CTNNA3: variants seen among roughly 807,000 people sequenced by gnomAD.
The protein encoded by CTNNA3 is catenin alpha-3.
CTNNA3 carries 76 observed loss-of-function variants against 95.7 expected under a neutral mutation model. The ratio of observed to expected loss-of-function variants is 0.79; its 90% CI spans 0.66 to 0.96. The LOEUF (loss-of-function observed/expected upper bound fraction) is 0.96. Ranked by LOEUF, CTNNA3 falls within the 40% of genes least tolerant of loss-of-function variation. The pLI, the probability that CTNNA3 is intolerant of heterozygous loss-of-function variation, is 0.00. For synonymous variants in CTNNA3, 431 were observed against 374.4 expected, an observed-to-expected ratio of 1.15 and a Z score of -1.74; for missense variants, 1,191 against 1,089.8, an observed-to-expected ratio of 1.09 and a Z score of -1.31.
At chr10:66,016,386 G>A (rs986756503) in intron 15 of CTNNA3, among the ~76,000 whole-genome samples, 6 of 110,920 alleles carry the variant, frequency 5.4e-5, no homozygotes, top group African/African-American at 1.4e-4. Context: ...GAAGAAAGAC[G>A]ATTCTTCCCT....
chr10:67,640,665 C>A (rs1268991940), intron 2 of CTNNA3, among the ~76,000 whole-genome samples: 4 of 152,106 alleles, frequency 2.6e-5, no homozygotes, highest in Non-Finnish European at 5.9e-5. Flanking sequence ...AGATATCGAC[C>A]AATGGAACAG....
In CTNNA3 at chr10:66,204,308, C is replaced by T. The variant is rs545519882; in HGVS notation, c.1884+76162G>A. On this transcript the variant is annotated intron_variant, in intron 13 of 17. Coordinates refer to ENST00000433211, the MANE Select transcript of CTNNA3 (RefSeq NM_013266.4). ...CTAAATTTCTCATTCAGTCTCTCCC[C>T]TCTCCCTTACTGTTCAAAAGAATAA... Among the ~76,000 whole-genome samples, 4 of 152,224 alleles carry T rather than the reference C, an allele frequency of 2.6e-5. 1 individual carries two copies. The highest frequency in any genetic ancestry group is 7.2e-5 in the African/African-American group (3 of 41,558).
chr10:66,929,322 G>T (rs1847242148), intron 7 of CTNNA3, among the ~76,000 whole-genome samples: 1 of 152,176 alleles, frequency 6.6e-6, no homozygotes, highest in African/African-American at 2.4e-5. Flanking sequence ...TTCGCGAATG[G>T]GAAAGCAGCT....
At chr10:67,178,145 G>A (rs1439628327) in intron 7 of CTNNA3, among the ~76,000 whole-genome samples, 1 of 152,092 alleles carries the variant, frequency 6.6e-6, no homozygotes, top group Non-Finnish European at 1.5e-5. Context: ...CCCACCCAGT[G>A]ATTACTGCCA....
intron 13 of CTNNA3, among the ~76,000 whole-genome samples, chr10:66,238,062 C>G (rs1345509531): frequency 6.6e-6 from 1 of 151,854 alleles, no homozygotes; most frequent in Non-Finnish European, 1.5e-5. Flanking sequence ...AAGACAAGTC[C>G]ATATTTAAAA....
chr10:67,074,629 C>T (rs1231193187), intron 7 of CTNNA3, among the ~76,000 whole-genome samples: 6 of 152,098 alleles, frequency 3.9e-5, no homozygotes, highest in Admixed American at 2.6e-4. Context: ...GGATTACAGG[C>T]GTGAGCCACC....
chr10:67,556,414 TA>T (rs1283207253), intron 3 of CTNNA3, among the ~76,000 whole-genome samples: 1 of 152,212 alleles, frequency 6.6e-6, no homozygotes, highest in Non-Finnish European at 1.5e-5. Flanking sequence ...GGCTCTTAAT[TA>T]TTGCCTCAAT....
chr10:67,626,388 G>A (rs1249433371), intron 2 of CTNNA3, among the ~76,000 whole-genome samples: 3 of 152,132 alleles, frequency 2.0e-5, no homozygotes, highest in East Asian at 3.9e-4. Flanking sequence ...TACCTCTTTG[G>A]AGATGTCTTG....
intron 13 of CTNNA3, among the ~76,000 whole-genome samples, chr10:66,228,418 CTAAT>C (rs1489520684): frequency 5.9e-5 from 9 of 151,940 alleles, no homozygotes; most frequent in Admixed American, 4.6e-4. Context: ...TTTTTATTAA[CTAAT>C]TGACCATTCA....
At chr10:67,533,933 T>A (rs1840413099) in intron 4 of CTNNA3, among the ~76,000 whole-genome samples, 1 of 151,220 alleles carries the variant, frequency 6.6e-6, no homozygotes, top group South Asian at 2.1e-4. Context: ...GTAAGAAAAG[T>A]CATAAGAAGG....
intron 1 of CTNNA3, among the ~76,000 whole-genome samples, chr10:67,685,757 ATCTC>A (rs1173966693): frequency 6.7e-6 from 1 of 149,662 alleles, no homozygotes; most frequent in Non-Finnish European, 1.5e-5. Context: ...TACTACTTCT[ATCTC>A]TCTCTTTCTC....
chr10:66,811,595 T>C (rs1027981061), intron 7 of CTNNA3, among the ~76,000 whole-genome samples: 1 of 152,174 alleles, frequency 6.6e-6, no homozygotes, highest in African/African-American at 2.4e-5. Flanking sequence ...ATTTAGCGTC[T>C]CTGGCTCCCA....
intron 3 of CTNNA3, among the ~76,000 whole-genome samples, chr10:67,559,293 T>C (rs915166496): frequency 2.0e-5 from 3 of 152,112 alleles, no homozygotes; most frequent in Non-Finnish European, 2.9e-5. Context: ...GAGACAAAAC[T>C]TCCAGAAGAA....
chr10:66,701,630 A>G (rs915801767), intron 9 of CTNNA3, among the ~76,000 whole-genome samples: 2 of 152,180 alleles, frequency 1.3e-5, no homozygotes, highest in Non-Finnish European at 2.9e-5. Flanking sequence ...TTACTATTTC[A>G]ACTAATTTCA....
intron 7 of CTNNA3, among the ~76,000 whole-genome samples, chr10:66,973,750 A>G (rs934406771): frequency 1.4e-4 from 21 of 151,912 alleles, no homozygotes; most frequent in African/African-American, 4.6e-4. Flanking sequence ...CAGCCTTCCC[A>G]GTAGCTGGGA....
intron 5 of CTNNA3, among the ~76,000 whole-genome samples, chr10:67,297,748 G>A (rs1589137912): frequency 6.6e-6 from 1 of 152,282 alleles, no homozygotes; most frequent in East Asian, 1.9e-4. Flanking sequence ...AATGCTCTTA[G>A]GCACATCCTA....
intron 10 of CTNNA3, among the ~76,000 whole-genome samples, chr10:66,556,840 C>A (rs112604291): frequency 5.9e-4 from 90 of 151,920 alleles, no homozygotes; most frequent in Middle Eastern, 3.4e-3. Context: ...TCTTTTATAC[C>A]AAAAATTTCT....
chr10:66,840,857 G>A (rs1280144462), intron 7 of CTNNA3, among the ~76,000 whole-genome samples: 2 of 151,990 alleles, frequency 1.3e-5, no homozygotes, highest in Non-Finnish European at 2.9e-5. Flanking sequence ...GAGAAGCATG[G>A]CTTAGCCCGT....
At chr10:66,216,062 G>T (rs183972943) in intron 13 of CTNNA3, among the ~76,000 whole-genome samples, 1 of 152,196 alleles carries the variant, frequency 6.6e-6, no homozygotes, top group Non-Finnish European at 1.5e-5. Context: ...CTAATCTGCC[G>T]TGTTGACTCT....
Sources: allele counts gnomAD v4.1 joint callset (sites outside exome capture counted in the v4.1 genomes callset), GRCh38; gene constraint gnomAD v4.1.1; transcripts MANE v1.5; gene names NCBI Gene and HGNC (gene_info 2026-07-23, HGNC 2026-07-21).